Variants in ZBTB20 observed in about 807,000 individuals in gnomAD.
The protein encoded by ZBTB20 is zinc finger and BTB domain-containing protein 20.
A neutral mutation model predicts 56.9 loss-of-function variants in ZBTB20; 9 were observed. The ratio of observed to expected loss-of-function variants is 0.16; its 90% CI spans 0.10 to 0.28. The LOEUF is 0.28. ZBTB20 is among the 10% of genes least tolerant of loss of function. The pLI, the probability that ZBTB20 is intolerant of heterozygous loss-of-function variation, is 1.00. For missense variants in ZBTB20, 655 were observed against 1,003.0 expected, an observed-to-expected ratio of 0.65 and a Z score of 4.69; for synonymous variants, 417 against 420.7, an observed-to-expected ratio of 0.99 and a Z score of 0.11.
intron 6 of ZBTB20, among the ~76,000 whole-genome samples, chr3:114,584,182 A>T (rs1458556125): frequency 6.6e-6 from 1 of 152,226 alleles, no homozygotes; most frequent in East Asian, 1.9e-4. Flanking sequence ...TTAAAAAGAC[A>T]TACACACACT....
chr3:114,833,711 T>C (rs2108968205), intron 4 of ZBTB20, among the ~76,000 whole-genome samples: 1 of 151,230 alleles, frequency 6.6e-6, no homozygotes. Flanking sequence ...TTTTTTTTTT[T>C]TTTTTTGAGA....
chr3:114,652,487 A>G (rs1003179349), intron 6 of ZBTB20, among the ~76,000 whole-genome samples: 3 of 152,020 alleles, frequency 2.0e-5, no homozygotes, highest in African/African-American at 4.8e-5. Context: ...TTTTGAGGGC[A>G]TTATTTTCAT....
intron 3 of ZBTB20, among the ~76,000 whole-genome samples, chr3:114,911,276 T>C (rs1560389484): frequency 6.6e-6 from 1 of 151,890 alleles, no homozygotes. Context: ...GACATGGAAA[T>C]AGCTCCAACA....
intron 7 of ZBTB20, among the ~76,000 whole-genome samples, chr3:114,442,798 T>C (rs564293223): frequency 6.6e-6 from 1 of 152,296 alleles, no homozygotes; most frequent in East Asian, 1.9e-4. Flanking sequence ...CCACTTTGTA[T>C]GTTGCTCTGC....
intron 2 of ZBTB20, among the ~76,000 whole-genome samples, chr3:114,987,869 G>T (rs927290552): frequency 6.6e-6 from 1 of 152,064 alleles, no homozygotes; most frequent in African/African-American, 2.4e-5. Flanking sequence ...ATGTTGAAAG[G>T]GAGGGAAGAT....
At chr3:114,446,156 T>C (rs2091258961) in intron 7 of ZBTB20, among the ~76,000 whole-genome samples, 2 of 152,154 alleles carry the variant, frequency 1.3e-5, no homozygotes, top group Non-Finnish European at 2.9e-5. Flanking sequence ...GCCTGGCATC[T>C]CATCATTACT....
chr3:114,432,625 C>G (rs992179279), intron 7 of ZBTB20, among the ~76,000 whole-genome samples: 1 of 152,170 alleles, frequency 6.6e-6, no homozygotes. Flanking sequence ...AAACATGACT[C>G]AACAGAATGT....
intron 7 of ZBTB20, among the ~76,000 whole-genome samples, chr3:114,438,833 G>T (rs578192974): frequency 4.6e-5 from 7 of 152,126 alleles, no homozygotes; most frequent in Admixed American, 4.6e-4. Flanking sequence ...CCAAACATGG[G>T]ACCTTGTGCA....
intron 6 of ZBTB20, among the ~76,000 whole-genome samples, chr3:114,626,809 G>A (rs1156593223): frequency 6.6e-6 from 1 of 152,170 alleles, no homozygotes. Flanking sequence ...CGCATGATGA[G>A]GGCTTTTTAC....
chr3:114,500,545 T>C (rs998907150), intron 6 of ZBTB20, among the ~76,000 whole-genome samples, 154 bp from the exon 7 acceptor site: 2 of 152,166 alleles, frequency 1.3e-5, no homozygotes, highest in Admixed American at 1.3e-4. Flanking sequence ...TTGTCACTTC[T>C]AGCCTCAAAA....
In ZBTB20 at chr3:114,446,653, G is replaced by GT. The variant is rs2091289584; in HGVS notation, c.-255+53698dup. The stretch of plus-strand genomic sequence containing the variant: ...GAACTTCCTCTCTCTCTTTCTTCAT[G>GT]TAAGTGTTTGACAAAAGCATGTATC... On this transcript the variant is annotated intron_variant, in intron 7 of 11. Transcript: ENST00000675478. Among the ~76,000 whole-genome samples, 3 of 152,258 alleles carry GT rather than the reference G, an allele frequency of 2.0e-5. No individual in the cohort carries two copies. The South Asian group carries it at 6.2e-4, about 32-fold the overall frequency.
intron 6 of ZBTB20, among the ~76,000 whole-genome samples, chr3:114,560,591 G>C (rs2051888454): frequency 1.3e-5 from 2 of 152,106 alleles, no homozygotes; most frequent in African/African-American, 4.8e-5. Context: ...GTCTCCCTCT[G>C]TGGTAGTGCA....
At chr3:114,847,783 G>A (rs1349246470) in intron 4 of ZBTB20, among the ~76,000 whole-genome samples, 3 of 152,132 alleles carry the variant, frequency 2.0e-5, no homozygotes, top group African/African-American at 7.2e-5. Flanking sequence ...TAAGGCACAT[G>A]GAGTCAAGTT....
intron 4 of ZBTB20, among the ~76,000 whole-genome samples, chr3:114,869,780 G>T (rs749587061): frequency 2.0e-5 from 3 of 152,064 alleles, no homozygotes; most frequent in Non-Finnish European, 4.4e-5. Flanking sequence ...TCTTTGTGTA[G>T]CCATATGCTT....
intron 7 of ZBTB20, among the ~76,000 whole-genome samples, chr3:114,439,332 T>C (rs2108947502): frequency 6.6e-6 from 1 of 152,174 alleles, no homozygotes; most frequent in East Asian, 1.9e-4. Flanking sequence ...ATTACCACAA[T>C]AACTCTTTTC....
chr3:114,869,419 T>C (rs953643661), intron 4 of ZBTB20, among the ~76,000 whole-genome samples: 4 of 152,128 alleles, frequency 2.6e-5, no homozygotes, highest in Non-Finnish European at 5.9e-5. Context: ...TTTGACATCA[T>C]GGAAGAATCT....
In ZBTB20 at chr3:114,771,643, T is replaced by C. The variant is rs570116676; in HGVS notation, c.-343+29458A>G. ...TCTAGTGGATTTACCTGTACTATAT[T>C]TCTCTCTTAATATTCAAAGCAACCC... On this transcript the variant is annotated intron_variant, in intron 5 of 11. Transcript: ENST00000675478. 5.3e-4 allele frequency among the ~76,000 whole-genome samples: 80 copies of C among 152,246 alleles called. No homozygotes were observed. The South Asian group carries it at 5.6e-3, about 11-fold the overall frequency.
At chr3:114,634,869 C>T (rs943965304) in intron 6 of ZBTB20, among the ~76,000 whole-genome samples, 3 of 152,168 alleles carry the variant, frequency 2.0e-5, no homozygotes, top group African/African-American at 7.2e-5. Context: ...CCTATATTGC[C>T]TCATACTGTG....
intron 2 of ZBTB20, among the ~76,000 whole-genome samples, chr3:115,058,353 G>C (rs2108465585): frequency 6.6e-6 from 1 of 152,140 alleles, no homozygotes; most frequent in South Asian, 2.1e-4. Flanking sequence ...CATGTGTCTT[G>C]ATGCCATTTC....
Sources: allele counts gnomAD v4.1 joint callset (sites outside exome capture counted in the v4.1 genomes callset), GRCh38; gene constraint gnomAD v4.1.1; transcripts MANE v1.5; gene names NCBI Gene and HGNC (gene_info 2026-07-23, HGNC 2026-07-21).